CLIC5: variants seen among roughly 807,000 people sequenced by gnomAD.
CLIC5 encodes the protein chloride intracellular channel protein 5.
A neutral mutation model predicts 24.7 loss-of-function variants in CLIC5; 20 were observed. The observed-to-expected ratio is 0.81, with a 90% CI of 0.57 to 1.18. CLIC5 has a LOEUF of 1.18. Ranked by LOEUF, CLIC5 falls within the 50% of genes most tolerant of loss-of-function variation. The pLI, the probability that CLIC5 is intolerant of heterozygous loss-of-function variation, is 0.00. For synonymous variants in CLIC5, 159 were observed against 135.6 expected (o/e 1.17, Z -1.20); for missense variants, 341 against 326.1 (o/e 1.05, Z -0.35).
At chr6:45,970,812 T>C (rs1303055480) in intron 1 of CLIC5, among the ~76,000 whole-genome samples, 2 of 152,214 alleles carry the variant, frequency 1.3e-5, no homozygotes, top group Admixed American at 1.3e-4. Flanking sequence ...ACTGTCTCGA[T>C]CTGGCATTCT....
chr6:45,902,027 A>G lies in CLIC5; in HGVS notation c.*1061T>C, dbSNP rs1382398770. 6.6e-6 allele frequency: 1 copy of G among 152,668 alleles called. No homozygotes were observed. The highest frequency in any genetic ancestry group is 1.9e-4 in the East Asian group (1 of 5,200). The allele number at this position is 152,668 out of a possible 1,614,324, so 9.5% of individuals were successfully genotyped here. On this transcript the variant is annotated 3_prime_UTR_variant, in exon 6 of 6. Coordinates refer to ENST00000339561, the MANE Select transcript of CLIC5 (RefSeq NM_016929.5). ...CCAGAAGCAGCTTGGAGAAACTGGG[A>G]AGACATTTTTGACCCATTCTTGGGT...
intron 1 of CLIC5, among the ~76,000 whole-genome samples, chr6:45,961,357 T>C (rs1241536221): frequency 2.0e-5 from 3 of 152,220 alleles, no homozygotes; most frequent in Non-Finnish European, 2.9e-5. Flanking sequence ...TTCTTTTTAC[T>C]GGTAGAGAAA....
the CLIC5 span, among the ~76,000 whole-genome samples, chr6:46,108,892 T>A: frequency 3.5e-4 from 53 of 152,218 alleles, no homozygotes; most frequent in Non-Finnish European, 6.8e-4. Context: ...AATTAACTTT[T>A]TGTATATTAG....
At chr6:46,050,101 G>A (rs1368369311) in intron 1 of CLIC5, among the ~76,000 whole-genome samples, 2 of 152,128 alleles carry the variant, frequency 1.3e-5, no homozygotes, top group Admixed American at 6.5e-5. Context: ...CCATTTTAAA[G>A]CCCAATGGAT....
chr6:45,949,253 T>C lies in CLIC5; in HGVS notation c.299+3A>G. 6.2e-7 allele frequency: 1 copy of C among 1,612,698 alleles called. No individual in the cohort carries two copies. The highest frequency in any genetic ancestry group is 1.1e-5 in the South Asian group (1 of 90,934). On this transcript the variant is annotated splice_donor_region_variant and intron_variant, in intron 3 of 5. Coordinates refer to ENST00000339561, the MANE Select transcript of CLIC5 (RefSeq NM_016929.5). ...ACAGCCCCAGAAAGAAACAGATCCT[T>C]ACTTTTCAGGGGTCAAGGTCTCCTC...
At chr6:46,046,999 C>G (rs192608814) in intron 1 of CLIC5, among the ~76,000 whole-genome samples, 7 of 152,350 alleles carry the variant, frequency 4.6e-5, no homozygotes, top group Admixed American at 6.5e-5. Context: ...CTCACTTTCA[C>G]TGCTCCCTTC....
chr6:45,981,834 C>A (rs1382057150), intron 1 of CLIC5, among the ~76,000 whole-genome samples: 1 of 151,888 alleles, frequency 6.6e-6, no homozygotes, highest in African/African-American at 2.4e-5. Context: ...CCCATCTCTA[C>A]AAAAATACAA....
intron 5 of CLIC5, among the ~76,000 whole-genome samples, chr6:45,906,051 T>C (rs1253534885): frequency 6.6e-6 from 1 of 152,214 alleles, no homozygotes; most frequent in East Asian, 1.9e-4. Context: ...GGGTTCTCTT[T>C]TCTGTTCCAT....
At chr6:45,974,036 G>A (rs945493074) in intron 1 of CLIC5, among the ~76,000 whole-genome samples, 7 of 152,158 alleles carry the variant, frequency 4.6e-5, no homozygotes, top group Admixed American at 2.0e-4. Flanking sequence ...TTATTCTAGA[G>A]GGAGTGTCAC....
At chr6:45,977,604 G>A (rs1172658858) in intron 1 of CLIC5, among the ~76,000 whole-genome samples, 1 of 151,940 alleles carries the variant, frequency 6.6e-6, no homozygotes, top group Admixed American at 6.6e-5. Flanking sequence ...TTTTTCCAGG[G>A]TTATAAATTC....
At chr6:46,041,783 G>A (rs1178023004) in intron 1 of CLIC5, among the ~76,000 whole-genome samples, 1 of 152,148 alleles carries the variant, frequency 6.6e-6, no homozygotes, top group Non-Finnish European at 1.5e-5. Flanking sequence ...AGTAACAATA[G>A]CAACTAACTT....
At chr6:45,955,355 C>T in intron 1 of CLIC5, 111 bp from the exon 2 acceptor site, 1 of 713,202 alleles carries the variant, frequency 1.4e-6, no homozygotes, top group East Asian at 2.7e-5. Flanking sequence ...AACCATGTCC[C>T]AGCAACTTCA....
intron 1 of CLIC5, among the ~76,000 whole-genome samples, chr6:46,060,184 G>A (rs2127469663): frequency 6.6e-6 from 1 of 152,332 alleles, no homozygotes; most frequent in Non-Finnish European, 1.5e-5. Context: ...CAAATATGGT[G>A]AAGCAGATCC....
At chr6:46,099,360 C>T in the CLIC5 span, among the ~76,000 whole-genome samples, 1 of 152,214 alleles carries the variant, frequency 6.6e-6, no homozygotes, top group African/African-American at 2.4e-5. Flanking sequence ...GAGAATCAAC[C>T]TCCCTTGAAA....
chr6:46,125,949 C>T, the CLIC5 span, among the ~76,000 whole-genome samples: 1 of 152,156 alleles, frequency 6.6e-6, no homozygotes, highest in Admixed American at 6.5e-5. Flanking sequence ...AGGCATGTCC[C>T]CATCACTGAA....
At chr6:45,914,207 C>T (rs369303806) in intron 5 of CLIC5, 21 bp downstream of exon 5, 7 of 1,535,500 alleles carry the variant, frequency 4.6e-6, no homozygotes, top group Non-Finnish European at 2.7e-6. Flanking sequence ...TTGCAGGCCC[C>T]TGTGGGTAGA....
chr6:46,017,043 G>A (rs570451173), upstream of CLIC5, among the ~76,000 whole-genome samples: 1 of 152,256 alleles, frequency 6.6e-6, no homozygotes, highest in South Asian at 2.1e-4. Context: ...CTTTTCTCTT[G>A]GATGTATACT....
chr6:45,987,315 TTGG>T (rs1765777418), intron 1 of CLIC5, among the ~76,000 whole-genome samples: 1 of 152,232 alleles, frequency 6.6e-6, no homozygotes, highest in Non-Finnish European at 1.5e-5. Context: ...TAGATTCCAG[TTGG>T]TGTGCACACC....
At chr6:46,094,822 A>G in the CLIC5 span, among the ~76,000 whole-genome samples, 5 of 152,160 alleles carry the variant, frequency 3.3e-5, no homozygotes, top group Admixed American at 6.5e-5. Flanking sequence ...GCAGTACCCC[A>G]ATAAGGACTC....
Sources: gnomAD v4.1 joint callset for allele counts (sites outside exome capture counted in the v4.1 genomes callset) on GRCh38, gnomAD v4.1.1 for gene constraint, MANE v1.5 for transcripts, NCBI Gene and HGNC (gene_info 2026-07-23, HGNC 2026-07-21) for gene names.